Variants in CEP295 observed in about 807,000 individuals in gnomAD.
CEP295 encodes centrosomal protein of 295 kDa.
A neutral mutation model predicts 291.6 loss-of-function variants in CEP295; 190 were observed. The observed-to-expected ratio is 0.65, with a 90% CI of 0.58 to 0.73. CEP295 has a LOEUF of 0.73. Among genes scored for constraint, CEP295 ranks in the 30% least tolerant of loss-of-function variants. The pLI is 0.00. For synonymous variants in CEP295, 993 were observed against 1,038.8 expected, an observed-to-expected ratio of 0.96 and a Z score of 0.85; for missense variants, 2,863 against 2,949.4, an observed-to-expected ratio of 0.97 and a Z score of 0.68.
chr11:93,718,427 CTG>C (rs976614018), intron 18 of CEP295, among the ~76,000 whole-genome samples: 1 of 152,216 alleles, frequency 6.6e-6, no homozygotes, highest in African/African-American at 2.4e-5. Flanking sequence ...TTTTTAGGAA[CTG>C]TTATCAGTGA....
At chr11:93,704,573 T>C (rs1405257334) in intron 17 of CEP295, among the ~76,000 whole-genome samples, 1 of 152,090 alleles carries the variant, frequency 6.6e-6, no homozygotes, top group Non-Finnish European at 1.5e-5. Context: ...GACCCCTAGG[T>C]AGGTGAACTA....
rs1414856841 is a variant in CEP295, at chr11:93,667,691, G to A, written c.193G>A (p.Glu65Lys). Residue 65 changes from glutamate to lysine, a missense_variant, in exon 3 of 30, where the codon GAG becomes AAG. Glu to Lys is a moderately conservative substitution (Grantham distance 56, BLOSUM62 1). Around this residue, in one of 3 missense-constraint regions of CEP295, gnomAD observed 554 missense variants for 576.0 expected, o/e 0.96. Coordinates refer to ENST00000325212, the MANE Select transcript of CEP295 (RefSeq NM_033395.2). Reference sequence around the variant, plus strand: ...AAATCAACAATTTACACGTTTGGCAGAGGAGCTAAGGGCAGAATGGGAAGA... The same window carrying A: ...AAATCAACAATTTACACGTTTGGCAAAGGAGCTAAGGGCAGAATGGGAAGA... ...RRNQQFTRLAEELRAEWEESQ... is the reference protein window; with the variant it reads ...RRNQQFTRLAKELRAEWEESQ... The A allele has an allele frequency of 1.3e-6, 2 of 1,551,484 alleles. No homozygotes were observed. The highest frequency in any genetic ancestry group is 1.7e-6 in the Non-Finnish European group (2 of 1,146,776).
chr11:93,685,994 CCA>C (rs1951216380), intron 9 of CEP295, among the ~76,000 whole-genome samples: 1 of 151,144 alleles, frequency 6.6e-6, no homozygotes, highest in Admixed American at 6.6e-5. Context: ...CAGGCATGAG[CCA>C]CCATGCCCGG....
intron 19 of CEP295, 188 bp from the exon 20 acceptor site, chr11:93,721,766 T>C (rs896763020): frequency 1.4e-6 from 1 of 728,272 alleles, no homozygotes; most frequent in Non-Finnish European, 2.5e-6. Context: ...GGGGGGTGCG[T>C]ATGTATGTCT....
At chr11:93,663,697 T>C (rs575016014) in intron 1 of CEP295, among the ~76,000 whole-genome samples, 1 of 152,202 alleles carries the variant, frequency 6.6e-6, no homozygotes, top group Non-Finnish European at 1.5e-5. Flanking sequence ...TTAAAAAATT[T>C]AAAAATTATA....
intron 18 of CEP295, among the ~76,000 whole-genome samples, chr11:93,709,595 C>A (rs1952756791): frequency 6.6e-6 from 1 of 152,008 alleles, no homozygotes; most frequent in East Asian, 1.9e-4. Flanking sequence ...CAGTTTTGTT[C>A]TTTTTGCTCA....
At chr11:93,721,888 G>T in intron 19 of CEP295, 66 bp from the exon 20 acceptor site, 1 of 1,024,612 alleles carries the variant, frequency 9.8e-7, no homozygotes, top group South Asian at 1.3e-5. Context: ...TGCTGGGGTT[G>T]GTGATTTGGG....
At chr11:93,711,351 A>G (rs1328212319) in intron 18 of CEP295, among the ~76,000 whole-genome samples, 1 of 152,154 alleles carries the variant, frequency 6.6e-6, no homozygotes, top group African/African-American at 2.4e-5. Context: ...TAGTCTCTTC[A>G]TTGACCCACT....
intron 22 of CEP295, 79 bp downstream of exon 22, chr11:93,724,454 C>T (rs1953988425): frequency 2.2e-6 from 3 of 1,343,136 alleles, no homozygotes; most frequent in Non-Finnish European, 3.1e-6. Flanking sequence ...AACAAAAGTT[C>T]TTCTAAACCC....
chr11:93,730,238 T>C lies in CEP295; in HGVS notation c.7775T>C (p.Leu2592Pro). The change falls in exon 30 of 30, where the codon CTA becomes CCA. Residue 2592 changes from leucine to proline, a missense_variant. Transcript: ENST00000325212. ...TTTTTATTCCTTCCACAGAAAACAC[T>C]AGAGAAACTTCGAGCCAAAAATACA... Reference protein sequence around the residue: ...ARAKEFHKKTLEKLRAKNTC With the variant: ...ARAKEFHKKTPEKLRAKNTC 3 of 1,551,116 alleles carry C rather than the reference T, an allele frequency of 1.9e-6. No individual in the cohort carries two copies. Among genetic ancestry groups the C allele is most frequent in the South Asian group, 1.2e-5 (1 of 84,038 alleles).
rs1217183675 is a variant in CEP295 at position 93,729,789 on chromosome 11, G to A, written c.7567+8G>A. 6.5e-7 allele frequency: 1 copy of A among 1,537,206 alleles called. No individual in the cohort carries two copies. The highest frequency in any genetic ancestry group is 8.8e-7 in the Non-Finnish European group (1 of 1,141,194). On this transcript the variant is annotated splice_region_variant and intron_variant, in intron 27 of 29. Coordinates refer to ENST00000325212, the MANE Select transcript of CEP295 (RefSeq NM_033395.2). ...AAGAGAAACCATCTATAAGTATGTT[G>A]AATTTTTAAAATCTTCAACCAACTC...
chr11:93,713,798 T>C (rs1213397927), intron 18 of CEP295, among the ~76,000 whole-genome samples: 2 of 152,162 alleles, frequency 1.3e-5, no homozygotes, highest in East Asian at 3.9e-4. Context: ...GCTCATAGAT[T>C]TACCCTTTTA....
chr11:93,675,743 A>G (rs1370143406), intron 6 of CEP295, 77 bp downstream of exon 6: 2 of 755,436 alleles, frequency 2.6e-6, no homozygotes, highest in East Asian at 3.2e-5. Flanking sequence ...TCTTAGTTAT[A>G]TGTATGGTGT....
chr11:93,722,995 A>AT, intron 20 of CEP295, 46 bp from the exon 21 acceptor site: 1 of 1,499,764 alleles, frequency 6.7e-7, no homozygotes, highest in Non-Finnish European at 9.0e-7. Context: ...GGCGTGAGCC[A>AT]TCACGCCTGG....
rs901468980 is a variant in CEP295 at position 93,707,784 on chromosome 11, A to G, written c.5749+887A>G. Among the ~76,000 whole-genome samples, 9 of 152,210 alleles carry G rather than the reference A, an allele frequency of 5.9e-5. No individual in the cohort carries two copies. The East Asian group carries it at 1.5e-3, about 26-fold the overall frequency. ...AAAAAAAAAGAAGAAGTTACATTTTATAGCCAGATTTATTTTTATTTTAGC... is the reference window on the plus strand; with the variant it reads ...AAAAAAAAAGAAGAAGTTACATTTTGTAGCCAGATTTATTTTTATTTTAGC... On this transcript the variant is annotated intron_variant, in intron 18 of 29. Coordinates refer to ENST00000325212, the MANE Select transcript of CEP295 (RefSeq NM_033395.2).
At chr11:93,689,613 C>G (rs894692017) in intron 10 of CEP295, among the ~76,000 whole-genome samples, 1 of 152,156 alleles carries the variant, frequency 6.6e-6, no homozygotes, top group African/African-American at 2.4e-5. Context: ...CCACCTCTAC[C>G]CCAACCTCCA....
intron 12 of CEP295, among the ~76,000 whole-genome samples, chr11:93,692,395 C>T (rs1209862001): frequency 6.6e-6 from 1 of 152,188 alleles, no homozygotes; most frequent in Non-Finnish European, 1.5e-5. Flanking sequence ...AAGTCCTTGT[C>T]ATAATATTAG....
At chr11:93,714,825 CAAAT>C (rs1272815881) in intron 18 of CEP295, among the ~76,000 whole-genome samples, 1 of 151,658 alleles carries the variant, frequency 6.6e-6, no homozygotes, top group Admixed American at 6.6e-5. Flanking sequence ...GTCTCCCAAA[CAAAT>C]AGAGTCAGTC....
rs1446180195 is a variant in CEP295, at chr11:93,698,124, T to G, written c.3212T>G (p.Leu1071Arg). The G allele has an allele frequency of 6.4e-7, 1 of 1,552,070 alleles. No individual in the cohort carries two copies. The highest frequency in any genetic ancestry group is 8.7e-7 in the Non-Finnish European group (1 of 1,147,108). Residue 1071 changes from leucine to arginine, a missense_variant, in exon 15 of 30, where the codon CTT becomes CGT. This residue lies in a region of CEP295 where 2,295 missense variants were observed against 2,335.7 expected (regional missense o/e 0.98). Coordinates refer to ENST00000325212, the MANE Select transcript of CEP295 (RefSeq NM_033395.2). Reference protein sequence around the residue: ...QEQLTKQRDTLQARHEAQVEL... With the variant: ...QEQLTKQRDTRQARHEAQVEL... ...CAGTTGACTAAACAGAGGGATACTCTTCAGGCTAGGCATGAAGCTCAGGTG... is the reference window on the plus strand; with the variant it reads ...CAGTTGACTAAACAGAGGGATACTCGTCAGGCTAGGCATGAAGCTCAGGTG...
Sources: allele counts gnomAD v4.1 joint callset (sites outside exome capture counted in the v4.1 genomes callset), GRCh38; gene constraint gnomAD v4.1.1; regional missense constraint gnomAD v4.1.1; transcripts MANE v1.5; gene names NCBI Gene and HGNC (gene_info 2026-07-23, HGNC 2026-07-21).